The following DENND5B variants were observed in gnomAD, a reference collection of about 807,000 sequenced individuals.
DENND5B encodes the protein DENN domain containing 5B, also known as DENN domain-containing protein 5B.
Under a neutral mutation model 140.6 loss-of-function variants are expected in DENND5B, and 34 were observed. The observed-to-expected ratio is 0.24, with a 90% CI of 0.18 to 0.32. DENND5B has a LOEUF of 0.32. Among genes scored for constraint, DENND5B ranks in the 10% least tolerant of loss-of-function variants. The probability of loss-of-function intolerance (pLI) is 1.00; values close to 1 mark genes in which losing one functional copy is unlikely to be tolerated. For synonymous variants in DENND5B, 551 were observed against 562.1 expected, an observed-to-expected ratio of 0.98 and a Z score of 0.28; for missense variants, 1,142 against 1,560.2, an observed-to-expected ratio of 0.73 and a Z score of 4.52.
At chr12:31,537,854 T>C (rs538353950) in intron 1 of DENND5B, among the ~76,000 whole-genome samples, 12 of 151,964 alleles carry the variant, frequency 7.9e-5, no homozygotes, top group African/African-American at 2.9e-4. Context: ...TCAGACGAAA[T>C]AGATTTCAAG....
intron 1 of DENND5B, among the ~76,000 whole-genome samples, chr12:31,508,631 T>C (rs752779726): frequency 2.6e-5 from 4 of 152,198 alleles, no homozygotes; most frequent in Non-Finnish European, 5.9e-5. Context: ...AATGAAGTTG[T>C]TGGAAGCTTA....
rs1233475902 is a variant in DENND5B at position 31,422,659 on chromosome 12, GATTCAGTATAAAGCA to G, written c.2470+923_2470+937del. Among the ~76,000 whole-genome samples, 7 of 152,122 alleles carry G rather than the reference GATTCAGTATAAAGCA, an allele frequency of 4.6e-5. No homozygotes were observed. The South Asian group carries it at 8.3e-4, about 18-fold the overall frequency. ...TTTTTGAAAAGGTTCCGAAATGGCTGATTCAGTATAAAGCAATTTTATCTCAATTAGCTTCCCATA... is the reference window on the plus strand; with the variant it reads ...TTTTTGAAAAGGTTCCGAAATGGCTGATTTTATCTCAATTAGCTTCCCATA... On this transcript the variant is annotated intron_variant, in intron 11 of 20. Transcript: ENST00000389082.
chr12:31,430,443 A>G (rs1170065925), intron 8 of DENND5B, among the ~76,000 whole-genome samples: 1 of 144,046 alleles, frequency 6.9e-6, no homozygotes, highest in Non-Finnish European at 1.5e-5. Context: ...CACAAGGTCA[A>G]GAGATCGAGA....
At chr12:31,524,380 C>T (rs918205540) in intron 1 of DENND5B, among the ~76,000 whole-genome samples, 4 of 151,976 alleles carry the variant, frequency 2.6e-5, no homozygotes, top group African/African-American at 9.7e-5. Flanking sequence ...GGGACGGGCA[C>T]GGTGGCTCAC....
intron 2 of DENND5B, among the ~76,000 whole-genome samples, chr12:31,480,662 A>G (rs1946034563): frequency 6.6e-6 from 1 of 152,242 alleles, no homozygotes; most frequent in African/African-American, 2.4e-5. Flanking sequence ...CATTTCACAA[A>G]TATTAAAAAG....
intron 1 of DENND5B, among the ~76,000 whole-genome samples, chr12:31,536,603 G>A (rs1357936370): frequency 6.6e-6 from 1 of 151,856 alleles, no homozygotes; most frequent in Non-Finnish European, 1.5e-5. Context: ...GCAAACCTAA[G>A]AGTTACTGGT....
At chr12:31,530,727 T>C (rs1053933206) in intron 1 of DENND5B, among the ~76,000 whole-genome samples, 4 of 152,234 alleles carry the variant, frequency 2.6e-5, no homozygotes, top group Non-Finnish European at 1.5e-5. Context: ...TAATGAAAAT[T>C]ATTTAATGAA....
intron 1 of DENND5B, among the ~76,000 whole-genome samples, chr12:31,555,219 C>T (rs1949230962): frequency 6.6e-6 from 1 of 152,294 alleles, no homozygotes; most frequent in East Asian, 1.9e-4. Context: ...TGGTGACGTA[C>T]AGATGGGTTT....
At chr12:31,430,933 G>A (rs1301768943) in intron 8 of DENND5B, among the ~76,000 whole-genome samples, 2 of 152,230 alleles carry the variant, frequency 1.3e-5, no homozygotes, top group Non-Finnish European at 2.9e-5. Context: ...TTCACAGCAA[G>A]AAGGGAGGCT....
intron 1 of DENND5B, among the ~76,000 whole-genome samples, chr12:31,508,177 T>G (rs928557248): frequency 2.0e-5 from 3 of 152,200 alleles, no homozygotes; most frequent in African/African-American, 7.2e-5. Context: ...GCTAAGCTGA[T>G]TCAAACAAAC....
intron 1 of DENND5B, among the ~76,000 whole-genome samples, chr12:31,571,836 T>A (rs1330112338): frequency 6.6e-6 from 1 of 152,182 alleles, no homozygotes; most frequent in Non-Finnish European, 1.5e-5. Flanking sequence ...CTCAAACTCC[T>A]GACCTCAGGT....
intron 13 of DENND5B, among the ~76,000 whole-genome samples, chr12:31,411,456 T>C (rs890207154): frequency 2.0e-5 from 3 of 150,648 alleles, no homozygotes; most frequent in South Asian, 2.1e-4. Flanking sequence ...GTGATTCTCC[T>C]GCCTCTGCCT....
intron 1 of DENND5B, among the ~76,000 whole-genome samples, chr12:31,556,159 G>A (rs1949273589): frequency 6.6e-6 from 1 of 152,206 alleles, no homozygotes; most frequent in Admixed American, 6.5e-5. Context: ...CACAATGGGA[G>A]CTGTAGACTG....
At chr12:31,589,317 C>A (rs1308434246) in intron 1 of DENND5B, among the ~76,000 whole-genome samples, 2 of 152,122 alleles carry the variant, frequency 1.3e-5, no homozygotes, top group South Asian at 2.1e-4. Flanking sequence ...TACATGAAAT[C>A]TTAGTTGAAG....
At chr12:31,573,826 C>T (rs538326891) in intron 1 of DENND5B, among the ~76,000 whole-genome samples, 3 of 152,088 alleles carry the variant, frequency 2.0e-5, no homozygotes, top group Non-Finnish European at 4.4e-5. Context: ...CCGTGGTGCA[C>T]GCCATTAGTC....
chr12:31,504,121 T>G (rs1057340518), intron 1 of DENND5B, among the ~76,000 whole-genome samples: 2 of 152,334 alleles, frequency 1.3e-5, no homozygotes, highest in East Asian at 3.8e-4. Context: ...CTGATTCAAG[T>G]GCGCTATAAC....
rs142107874 is a variant in DENND5B, at chr12:31,404,471, T to C, written c.2804-1828A>G. On this transcript the variant is annotated intron_variant, in intron 14 of 20. Coordinates refer to ENST00000389082, the MANE Select transcript of DENND5B (RefSeq NM_144973.4). Reference sequence around the variant, plus strand: ...GCTACCACACCTGGCTAACTTTATTTATTTAGAGTTTCACTCTTGTCGCTC... The same window carrying C: ...GCTACCACACCTGGCTAACTTTATTCATTTAGAGTTTCACTCTTGTCGCTC... 4.5e-3 allele frequency among the ~76,000 whole-genome samples: 683 copies of C among 152,144 alleles called. 6 individuals are homozygous for C. The highest frequency in any genetic ancestry group is 0.015 in the African/African-American group (638 of 41,530).
chr12:31,560,750 C>T (rs974761767), intron 1 of DENND5B, among the ~76,000 whole-genome samples: 2 of 152,134 alleles, frequency 1.3e-5, no homozygotes, highest in African/African-American at 4.8e-5. Flanking sequence ...CTTGTTCACT[C>T]CTCCAGACTC....
In DENND5B at chr12:31,451,946, A is replaced by G. The variant is rs1212495693; in HGVS notation, c.1623T>C (p.Phe541=). The G allele has an allele frequency of 6.2e-7, 1 of 1,613,184 alleles. No homozygotes were observed. Among genetic ancestry groups the G allele is most frequent in the African/African-American group, 1.3e-5 (1 of 74,872 alleles). ...WLTNREQMQN[F]DKASFLSDQP... ...AAACTATGGTTCTTTTTACTTTGTC[A>G]AAGTTCTGCATCTGTTCCCGGTTGG... Residue 541 remains phenylalanine, a synonymous_variant, in exon 5 of 21, where the codon TTT becomes TTC. Coordinates refer to ENST00000389082, the MANE Select transcript of DENND5B (RefSeq NM_144973.4).
Sources: gnomAD v4.1 joint callset for allele counts (sites outside exome capture counted in the v4.1 genomes callset) on GRCh38, gnomAD v4.1.1 for gene constraint, MANE v1.5 for transcripts, NCBI Gene and HGNC (gene_info 2026-07-23, HGNC 2026-07-21) for gene names.